Variants in KDSR observed in about 807,000 individuals in gnomAD.
KDSR encodes 3-dehydrosphinganine reductase.
In KDSR, 23 loss-of-function variants were observed where a neutral mutation model predicts 41.3. That is an observed-to-expected ratio of 0.56 (90% confidence interval 0.40 to 0.79). The LOEUF (loss-of-function observed/expected upper bound fraction) is 0.79. Ranked by LOEUF, KDSR falls within the 30% of genes least tolerant of loss-of-function variation. The pLI, the probability that KDSR is intolerant of heterozygous loss-of-function variation, is 0.00. For synonymous variants in KDSR, 138 were observed against 151.7 expected (o/e 0.91, Z 0.66); for missense variants, 351 against 416.8 (o/e 0.84, Z 1.37).
rs538594901 is a variant in KDSR, at chr18:63,366,709, C to T, written c.108+302G>A. 5.6e-5 allele frequency: 18 copies of T among 319,312 alleles called. No homozygotes were observed. In the South Asian group the frequency reaches 2.8e-3, roughly 50 times the overall value. The allele number at this position is 319,312 out of a possible 1,614,324, so 19.8% of individuals were successfully genotyped here. On this transcript the variant is annotated intron_variant, in intron 1 of 9. Transcript: ENST00000645214. Reference sequence around the variant, plus strand: ...AAACATCCACATCCCAGGGATGTTGCATGGATTCACGAGCAGCCACAGAAC... The same window carrying T: ...AAACATCCACATCCCAGGGATGTTGTATGGATTCACGAGCAGCCACAGAAC...
At chr18:63,366,852 G>A (rs1289468166) in intron 1 of KDSR, among the ~76,000 whole-genome samples, 159 bp downstream of exon 1, 8 of 152,062 alleles carry the variant, frequency 5.3e-5, no homozygotes, top group Non-Finnish European at 8.8e-5. Flanking sequence ...GGGGCCGGGG[G>A]AAAAGCGCCG....
chr18:63,363,633 T>C (rs1282700335), intron 1 of KDSR, among the ~76,000 whole-genome samples: 1 of 152,074 alleles, frequency 6.6e-6, no homozygotes, highest in Non-Finnish European at 1.5e-5. Context: ...GTTGGACATT[T>C]GGGTTGGTTG....
Position 63,344,391 on chromosome 18 carries a change from G to A in KDSR, c.693+19C>T. ...CAGTAAACATTAGAGGTTCAAATTG[G>A]GACATGTAGGATACTGACCTTTGTT... On this transcript the variant is annotated intron_variant, in intron 7 of 9. Transcript: ENST00000645214. 6.4e-7 allele frequency: 1 copy of A among 1,565,142 alleles called. No homozygotes were observed. The highest frequency in any genetic ancestry group is 2.2e-5 in the East Asian group (1 of 44,624).
chr18:63,333,449 T>C (rs1388057004), intron 9 of KDSR, among the ~76,000 whole-genome samples: 1 of 152,184 alleles, frequency 6.6e-6, no homozygotes, highest in East Asian at 1.9e-4. Flanking sequence ...TTTCATGCAA[T>C]GTATAGTTGC....
rs1302649105 is a variant in KDSR, at chr18:63,335,501, T to TG, written c.778-144dup. The TG allele has an allele frequency of 8.8e-5, 55 of 625,816 alleles. 1 individual carries two copies. Among genetic ancestry groups the TG allele is most frequent in the Non-Finnish European group, 1.5e-4 (54 of 353,700 alleles). The allele number at this position is 625,816 out of a possible 1,614,324, so 38.8% of individuals were successfully genotyped here. ...CAAAGCATTGATCAGCACTCAGAAA[T>TG]GGACGCACGGCCTTGGCAGATGGCA... On this transcript the variant is annotated intron_variant, in intron 8 of 9. Transcript: ENST00000645214.
At chr18:63,338,943 A>G in intron 7 of KDSR, 60 bp from the exon 8 acceptor site, 1 of 982,140 alleles carries the variant, frequency 1.0e-6, no homozygotes, top group Non-Finnish European at 1.5e-6. Context: ...TTAAAAATAA[A>G]TTATTCTTAC....
At chr18:63,366,956 G>A in intron 1 of KDSR, 55 bp downstream of exon 1, 1 of 1,014,824 alleles carries the variant, frequency 9.9e-7, no homozygotes, top group Non-Finnish European at 1.3e-6. Flanking sequence ...GGCCTCGGCG[G>A]CGGAAAGGCC....
rs1253368224 is a variant in KDSR at position 63,355,485 on chromosome 18, C to T, written c.321+13G>A. The T allele has an allele frequency of 2.5e-6, 4 of 1,613,252 alleles. No individual in the cohort carries two copies. In the East Asian group the frequency reaches 8.9e-5, roughly 36 times the overall value. ...AAGCACATTGGTGAATTCCAATTAG[C>T]CCAACCTCTTACTTGTTTTATGACA... On this transcript the variant is annotated intron_variant, in intron 4 of 9. Coordinates refer to ENST00000645214, the MANE Select transcript of KDSR (RefSeq NM_002035.4).
chr18:63,350,215 G>A (rs373198352), intron 6 of KDSR, among the ~76,000 whole-genome samples: 2 of 152,216 alleles, frequency 1.3e-5, no homozygotes, highest in Admixed American at 6.5e-5. Flanking sequence ...TAATGTGGAA[G>A]TCGGCTTCAA....
intron 6 of KDSR, among the ~76,000 whole-genome samples, chr18:63,348,249 C>T (rs940106130): frequency 6.6e-6 from 1 of 151,028 alleles, no homozygotes; most frequent in South Asian, 2.1e-4. Context: ...GTGGAGGCTA[C>T]AGTGAGCCAA....
intron 6 of KDSR, among the ~76,000 whole-genome samples, chr18:63,347,767 C>T (rs978199118): frequency 6.6e-6 from 1 of 151,998 alleles, no homozygotes; most frequent in African/African-American, 2.4e-5. Flanking sequence ...ACATCTTTAG[C>T]TATAACCCAC....
Position 63,367,047 on chromosome 18 carries a change from G to A in KDSR, c.72C>T (p.Ser24=). The A allele has an allele frequency of 7.5e-7, 1 of 1,327,138 alleles. No homozygotes were observed. Among genetic ancestry groups the A allele is most frequent in the East Asian group, 2.8e-5 (1 of 35,924 alleles). The allele number at this position is 1,327,138 out of a possible 1,614,324, so 82.2% of individuals were successfully genotyped here. ...LLLYMVSPLI[S]PKPLALPGAH... is the part of the protein sequence containing the mutation. The stretch of plus-strand genomic sequence containing the variant: ...CCCCGGGCAGGGCGAGGGGCTTGGG[G>A]CTGATGAGCGGAGACACCATGTACA... The change falls in exon 1 of 10, where the codon AGC becomes AGT. Residue 24 remains serine (S), a synonymous_variant. Transcript: ENST00000645214.
chr18:63,337,516 T>C (rs1219577775), intron 8 of KDSR, among the ~76,000 whole-genome samples: 1 of 152,200 alleles, frequency 6.6e-6, no homozygotes, highest in Admixed American at 6.5e-5. Flanking sequence ...ACAAAAGTTC[T>C]CTGGGGTTGT....
chr18:63,348,325 A>T lies in KDSR; in HGVS notation c.609+2563T>A, dbSNP rs1445882993. 2.6e-4 allele frequency among the ~76,000 whole-genome samples: 7 copies of T among 26,852 alleles called. 1 individual carries two copies. Among genetic ancestry groups the T allele is most frequent in the Admixed American group, 7.6e-4 (1 of 1,308 alleles). 17.6% of individuals were successfully genotyped at this position (26,852 alleles called of 152,430 possible). A position where few individuals can be genotyped will look rare whatever the true frequency, so the allele number is the denominator to read the frequency against. ...CTCTGTCTTCAGAAAATAAAAATTA[A>T]AAAAAAAAAAAAAAGTATCTGGAGT... On this transcript the variant is annotated intron_variant, in intron 6 of 9. Transcript: ENST00000645214.
chr18:63,332,091 A>G lies in KDSR; in HGVS notation c.880-190T>C, dbSNP rs116389877. 3.1e-3 allele frequency among the ~76,000 whole-genome samples: 472 copies of G among 152,362 alleles called. 1 individual carries two copies. Among genetic ancestry groups the G allele is most frequent in the African/African-American group, 0.011 (445 of 41,594 alleles). ...TGTGCTCTGCACCGCTGGACAGCCCAGATACATAACAAAATATTTGTCCAA... is the reference window on the plus strand; with the variant it reads ...TGTGCTCTGCACCGCTGGACAGCCCGGATACATAACAAAATATTTGTCCAA... On this transcript the variant is annotated intron_variant, in intron 9 of 9. Transcript: ENST00000645214.
chr18:63,359,419 T>C lies in KDSR; in HGVS notation c.255+317A>G, dbSNP rs1914900309. ...AGCATTTTATTCATCAAAAATTCCATAACCAAATAAATTTTAAATATTCCT... is the reference window on the plus strand; with the variant it reads ...AGCATTTTATTCATCAAAAATTCCACAACCAAATAAATTTTAAATATTCCT... On this transcript the variant is annotated intron_variant, in intron 3 of 9. Coordinates refer to ENST00000645214, the MANE Select transcript of KDSR (RefSeq NM_002035.4). 2.1e-5 allele frequency: 5 copies of C among 238,944 alleles called. No homozygotes were observed. In the South Asian group the frequency reaches 4.1e-4, roughly 20 times the overall value. The allele number at this position is 238,944 out of a possible 1,614,324, so 14.8% of individuals were successfully genotyped here. A position where few individuals can be genotyped will look rare whatever the true frequency, so the allele number is the denominator to read the frequency against.
chr18:63,359,721 AAGAC>A lies in KDSR; in HGVS notation c.255+11_255+14del. 1 of 1,553,486 alleles carries A rather than the reference AAGAC, an allele frequency of 6.4e-7. No homozygotes were observed. The highest frequency in any genetic ancestry group is 8.9e-7 in the Non-Finnish European group (1 of 1,126,630). On this transcript the variant is annotated intron_variant, in intron 3 of 9. Coordinates refer to ENST00000645214, the MANE Select transcript of KDSR (RefSeq NM_002035.4). Reference sequence around the variant, plus strand: ...TGAGTTATACAGAAAATGCATTCTGAAGACAGAGATTTACCTGTTTGTCATTAAT... The same window carrying A: ...TGAGTTATACAGAAAATGCATTCTGAAGAGATTTACCTGTTTGTCATTAAT...
At chr18:63,349,323 C>T (rs923161045) in intron 6 of KDSR, among the ~76,000 whole-genome samples, 1 of 152,062 alleles carries the variant, frequency 6.6e-6, no homozygotes, top group Non-Finnish European at 1.5e-5. Flanking sequence ...CTCAGGGCTG[C>T]AGTGAGCTAT....
Position 63,355,553 on chromosome 18 carries a change from C to T in KDSR, c.266G>A (p.Cys89Tyr), listed in dbSNP as rs1914771725. 6.3e-7 allele frequency: 1 copy of T among 1,586,010 alleles called. No homozygotes were observed. The highest frequency in any genetic ancestry group is 8.5e-7 in the Non-Finnish European group (1 of 1,172,224). ...GTCTTGAGATACATCAACTGATATGCAAAGCACCACCTGTTAAAAAAGAAA... is the reference window on the plus strand; with the variant it reads ...GTCTTGAGATACATCAACTGATATGTAAAGCACCACCTGTTAAAAAAGAAA... ...HSINDKQVVL[C>Y]ISVDVSQDYN... The change falls in exon 4 of 10, where the codon TGC becomes TAC. Residue 89 changes from cysteine to tyrosine, a missense_variant. Transcript: ENST00000645214.
Sources: gnomAD v4.1 joint callset for allele counts (sites outside exome capture counted in the v4.1 genomes callset) on GRCh38, gnomAD v4.1.1 for gene constraint, MANE v1.5 for transcripts, NCBI Gene and HGNC (gene_info 2026-07-23, HGNC 2026-07-21) for gene names.